Variants in LTBP1 observed in about 807,000 individuals in gnomAD.
LTBP1 encodes the protein latent transforming growth factor beta binding protein 1.
LTBP1 carries 129 observed loss-of-function variants against 207.6 expected under a neutral mutation model. The ratio of observed to expected loss-of-function variants is 0.62; its 90% CI spans 0.54 to 0.72. The LOEUF is 0.72. Among genes scored for constraint, LTBP1 ranks in the 30% least tolerant of loss-of-function variants. LTBP1 has a pLI of 0.00. For synonymous variants in LTBP1, 963 were observed against 833.7 expected, an observed-to-expected ratio of 1.16 and a Z score of -2.67; for missense variants, 2,281 against 2,217.2, an observed-to-expected ratio of 1.03 and a Z score of -0.58.
At chr2:33,147,726 A>G (rs1438460644) in intron 5 of LTBP1, among the ~76,000 whole-genome samples, 4 of 152,228 alleles carry the variant, frequency 2.6e-5, no homozygotes, top group South Asian at 2.1e-4. Context: ...AAACTCATGC[A>G]TGATTGCCAT....
intron 3 of LTBP1, among the ~76,000 whole-genome samples, chr2:33,085,574 A>G (rs1253736204): frequency 3.9e-5 from 6 of 152,204 alleles, no homozygotes; most frequent in African/African-American, 1.4e-4. Context: ...TTTGTGTGTC[A>G]AGCATTGTAC....
chr2:33,252,954 A>G (rs925950535), intron 11 of LTBP1, 110 bp downstream of exon 11: 1 of 850,238 alleles, frequency 1.2e-6, no homozygotes, highest in Admixed American at 2.6e-5. Context: ...TTTTAATAAT[A>G]CATTGTAAAT....
intron 31 of LTBP1, among the ~76,000 whole-genome samples, chr2:33,370,161 T>C (rs1017464611): frequency 1.3e-5 from 2 of 151,642 alleles, no homozygotes; most frequent in African/African-American, 4.9e-5. Flanking sequence ...TGACACATGG[T>C]AAGTTTTCAG....
At chr2:33,299,476 C>CT (rs1321735625) in intron 20 of LTBP1, among the ~76,000 whole-genome samples, 1 of 152,184 alleles carries the variant, frequency 6.6e-6, no homozygotes, top group Non-Finnish European at 1.5e-5. Flanking sequence ...CTTTCTCCTC[C>CT]TGTGAGTATA....
chr2:33,235,165 A>G (rs2091981779), intron 9 of LTBP1, among the ~76,000 whole-genome samples: 1 of 152,240 alleles, frequency 6.6e-6, no homozygotes, highest in South Asian at 2.1e-4. Context: ...ACAAAGGGCT[A>G]ATATCCAGAA....
At chr2:33,050,913 T>C (rs1558565410) in intron 3 of LTBP1, among the ~76,000 whole-genome samples, 1 of 152,060 alleles carries the variant, frequency 6.6e-6, no homozygotes, top group Non-Finnish European at 1.5e-5. Flanking sequence ...TTTATATTTT[T>C]AGTAGAGACA....
chr2:33,000,417 A>G (rs1195679738), intron 2 of LTBP1, among the ~76,000 whole-genome samples: 2 of 135,334 alleles, frequency 1.5e-5, no homozygotes, highest in African/African-American at 2.6e-5. Flanking sequence ...TGAGCCGTGC[A>G]TGGGATTGAG....
intron 33 of LTBP1, among the ~76,000 whole-genome samples, chr2:33,397,674 A>ATTTTTTT (rs71409616): frequency 4.3e-5 from 5 of 117,496 alleles, no homozygotes; most frequent in African/African-American, 6.4e-5. Context: ...CACCCGGCTA[A>ATTTTTTT]TTTTTTTTTT....
chr2:33,299,192 AGATAGC>A (rs1407496304), intron 20 of LTBP1, among the ~76,000 whole-genome samples: 1 of 151,390 alleles, frequency 6.6e-6, no homozygotes. Context: ...CAGTGAGCCG[AGATAGC>A]GCCACTGCAC....
At chr2:32,991,927 C>T (rs1025278883) in intron 2 of LTBP1, among the ~76,000 whole-genome samples, 2 of 152,116 alleles carry the variant, frequency 1.3e-5, no homozygotes, top group Non-Finnish European at 2.9e-5. Flanking sequence ...AAATGTGATT[C>T]CTTAACACTT....
chr2:33,208,003 A>G (rs953957855), intron 7 of LTBP1, among the ~76,000 whole-genome samples: 9 of 152,238 alleles, frequency 5.9e-5, no homozygotes, highest in African/African-American at 1.9e-4. Flanking sequence ...AACCTGTTAC[A>G]TGTAGTCAGT....
chr2:33,092,519 G>A (rs758346458), intron 3 of LTBP1, among the ~76,000 whole-genome samples: 1 of 152,154 alleles, frequency 6.6e-6, no homozygotes, highest in African/African-American at 2.4e-5. Context: ...AGCCTTCTGG[G>A]TTATTCCTCA....
intron 5 of LTBP1, among the ~76,000 whole-genome samples, chr2:33,167,708 T>C (rs1168979327): frequency 6.6e-6 from 1 of 152,202 alleles, no homozygotes; most frequent in Non-Finnish European, 1.5e-5. Flanking sequence ...AAAGAGGCTG[T>C]ATACAACCGT....
rs74446617 is a variant in LTBP1 at position 33,330,699 on chromosome 2, G to A, written c.3731-12139G>A. On this transcript the variant is annotated intron_variant, in intron 24 of 33. Transcript: ENST00000404816. ...ATAAAAATTTGTTTTCCTTATAGCA[G>A]TCTAAGCTTCAGTAATCTAGGGCTG... Among the ~76,000 whole-genome samples, 486 of 150,396 alleles carry A rather than the reference G, an allele frequency of 3.2e-3. 1 individual carries two copies. Among genetic ancestry groups the A allele is most frequent in the African/African-American group, 0.011 (441 of 41,014 alleles).
intron 4 of LTBP1, among the ~76,000 whole-genome samples, chr2:33,116,994 C>T (rs1288807143): frequency 6.6e-6 from 1 of 152,186 alleles, no homozygotes; most frequent in Non-Finnish European, 1.5e-5. Context: ...GTCTGTGCTG[C>T]CCTCTCTCAG....
At chr2:33,170,901 G>A (rs1321339224) in intron 5 of LTBP1, among the ~76,000 whole-genome samples, 2 of 152,112 alleles carry the variant, frequency 1.3e-5, no homozygotes, top group Non-Finnish European at 2.9e-5. Flanking sequence ...AGGCAAACAG[G>A]GTCTGGAGTG....
intron 3 of LTBP1, among the ~76,000 whole-genome samples, chr2:33,094,032 G>T (rs2079251486): frequency 6.6e-6 from 1 of 152,146 alleles, no homozygotes; most frequent in African/African-American, 2.4e-5. Context: ...GGATAAATGG[G>T]TTCTGGCAAT....
At position 33,311,723 on chromosome 2, in the gene LTBP1, C is replaced by G. The variant is rs150536191; in HGVS notation, c.3604+2167C>G. ...ATAAATTTAACTTCTAGAGTTCAGT[C>G]ACACGGAACTAATTTAGTTATCTGA... is the stretch of plus-strand genomic sequence containing the variant. On this transcript the variant is annotated intron_variant, in intron 23 of 33. Transcript: ENST00000404816. Among the ~76,000 whole-genome samples, 18 of 152,242 alleles carry G rather than the reference C, an allele frequency of 1.2e-4. No homozygotes were observed. In the East Asian group the frequency reaches 3.5e-3, roughly 29 times the overall value.
At chr2:33,210,273 G>T (rs956571017) in intron 7 of LTBP1, among the ~76,000 whole-genome samples, 7 of 152,132 alleles carry the variant, frequency 4.6e-5, no homozygotes, top group Non-Finnish European at 8.8e-5. Flanking sequence ...TTGAGAAAAA[G>T]TACAGTCAAT....
Sources: gnomAD v4.1 joint callset for allele counts (sites outside exome capture counted in the v4.1 genomes callset) on GRCh38, gnomAD v4.1.1 for gene constraint, MANE v1.5 for transcripts, NCBI Gene and HGNC (gene_info 2026-07-23, HGNC 2026-07-21) for gene names.